Variants in GALNT13 observed in about 807,000 individuals in gnomAD.
The protein encoded by GALNT13 is polypeptide N-acetylgalactosaminyltransferase 13.
Under a neutral mutation model 64.2 loss-of-function variants are expected in GALNT13, and 28 were observed. That is an observed-to-expected ratio of 0.44 (90% confidence interval 0.32 to 0.60). GALNT13 has a LOEUF of 0.60. Ranked by LOEUF, GALNT13 falls within the 20% of genes least tolerant of loss-of-function variation. The probability of loss-of-function intolerance (pLI) is 0.05; values close to 1 mark genes in which losing one functional copy is unlikely to be tolerated. For synonymous variants in GALNT13, 214 were observed against 224.6 expected (o/e 0.95, Z 0.42); for missense variants, 577 against 669.8 (o/e 0.86, Z 1.53).
At chr2:153,376,530 C>T in the GALNT13 span, among the ~76,000 whole-genome samples, 3 of 152,046 alleles carry the variant, frequency 2.0e-5, no homozygotes, top group African/African-American at 7.2e-5. Context: ...GGGAGATGAA[C>T]TTTGTTATAT....
At chr2:153,145,244 A>G in the GALNT13 span, among the ~76,000 whole-genome samples, 5 of 151,948 alleles carry the variant, frequency 3.3e-5, no homozygotes, top group Non-Finnish European at 7.4e-5. Flanking sequence ...GCAATAGTTC[A>G]TATATTTGGT....
the GALNT13 span, among the ~76,000 whole-genome samples, chr2:153,505,323 G>A: frequency 4.4e-4 from 67 of 152,104 alleles, no homozygotes; most frequent in African/African-American, 1.5e-3. Flanking sequence ...CAAACAACCA[G>A]CTTTTTGTTA....
the GALNT13 span, among the ~76,000 whole-genome samples, chr2:153,675,313 T>C: frequency 6.6e-6 from 1 of 152,202 alleles, no homozygotes. Flanking sequence ...TCATCAATAA[T>C]AGACTGGATA....
the GALNT13 span, among the ~76,000 whole-genome samples, chr2:153,627,681 C>A: frequency 6.6e-6 from 1 of 152,060 alleles, no homozygotes; most frequent in African/African-American, 2.4e-5. Flanking sequence ...CAGACAAGGC[C>A]ATTGTGCAGC....
chr2:153,726,695 A>C, the GALNT13 span, among the ~76,000 whole-genome samples: 1 of 152,144 alleles, frequency 6.6e-6, no homozygotes, highest in Admixed American at 6.5e-5. Flanking sequence ...TAATCTCAGC[A>C]CTTTGGGAGG....
chr2:154,018,129 G>T (rs1396507535), intron 3 of GALNT13, among the ~76,000 whole-genome samples: 1 of 152,190 alleles, frequency 6.6e-6, no homozygotes, highest in African/African-American at 2.4e-5. Flanking sequence ...AGCAACTTGA[G>T]AACTGTCTTT....
the GALNT13 span, among the ~76,000 whole-genome samples, chr2:153,718,972 C>T: frequency 6.6e-6 from 1 of 152,172 alleles, no homozygotes; most frequent in Admixed American, 6.5e-5. Context: ...ATTTTACCCT[C>T]AAAGTCCAGA....
upstream of GALNT13, among the ~76,000 whole-genome samples, chr2:153,867,304 C>T (rs1037900926): frequency 6.6e-6 from 1 of 152,068 alleles, no homozygotes. Flanking sequence ...ATTACGGGCC[C>T]TAGCAACTTG....
intron 4 of GALNT13, among the ~76,000 whole-genome samples, chr2:154,158,718 A>G (rs1684566280): frequency 6.6e-6 from 1 of 152,156 alleles, no homozygotes; most frequent in Admixed American, 6.5e-5. Flanking sequence ...GAATATCCAC[A>G]TGGTTTTGCT....
At chr2:153,535,069 C>A in the GALNT13 span, among the ~76,000 whole-genome samples, 46 of 152,052 alleles carry the variant, frequency 3.0e-4, no homozygotes, top group African/African-American at 1.1e-3. Flanking sequence ...CTCAGGGCTG[C>A]TTCAGGCGGG....
the GALNT13 span, among the ~76,000 whole-genome samples, chr2:153,115,116 A>C: frequency 1.3e-5 from 2 of 152,208 alleles, no homozygotes; most frequent in Non-Finnish European, 2.9e-5. Context: ...GATAATCATG[A>C]CTGTCCAGGT....
At chr2:153,750,187 T>C in the GALNT13 span, among the ~76,000 whole-genome samples, 1 of 152,036 alleles carries the variant, frequency 6.6e-6, no homozygotes, top group South Asian at 2.1e-4. Flanking sequence ...CCCTTGTTCA[T>C]GATGAATGAT....
chr2:153,863,950 G>T, the GALNT13 span, among the ~76,000 whole-genome samples: 1 of 152,054 alleles, frequency 6.6e-6, no homozygotes, highest in Admixed American at 6.6e-5. Context: ...CTTCATATCT[G>T]CCTTTTGATT....
the GALNT13 span, among the ~76,000 whole-genome samples, chr2:153,742,067 T>TA: frequency 2.9e-3 from 443 of 152,094 alleles, 1 homozygote; most frequent in African/African-American, 0.01. Flanking sequence ...CAATGGATTT[T>TA]AAAAAAAATT....
chr2:153,627,472 G>T, the GALNT13 span, among the ~76,000 whole-genome samples: 1 of 152,030 alleles, frequency 6.6e-6, no homozygotes, highest in Non-Finnish European at 1.5e-5. Context: ...ATGTAGACTT[G>T]ACATGATTTA....
At chr2:153,944,998 C>T (rs913460023) in intron 3 of GALNT13, among the ~76,000 whole-genome samples, 3 of 152,066 alleles carry the variant, frequency 2.0e-5, no homozygotes, top group African/African-American at 4.8e-5. Context: ...TAACATAAAA[C>T]GGAAAAACCA....
chr2:153,983,787 T>A (rs1296712965), intron 3 of GALNT13, among the ~76,000 whole-genome samples: 1 of 151,968 alleles, frequency 6.6e-6, no homozygotes, highest in African/African-American at 2.4e-5. Context: ...GTCTAAATGG[T>A]ATGAACATAT....
the GALNT13 span, among the ~76,000 whole-genome samples, chr2:153,392,472 T>A: frequency 1.3e-5 from 2 of 152,244 alleles, no homozygotes; most frequent in African/African-American, 4.8e-5. Context: ...AGGATCTTTA[T>A]AATTTCTTAG....
At chr2:153,580,078 T>C in the GALNT13 span, among the ~76,000 whole-genome samples, 1 of 152,156 alleles carries the variant, frequency 6.6e-6, no homozygotes, top group South Asian at 2.1e-4. Flanking sequence ...AAAGTTTCCA[T>C]GAGAGTTTGC....
Sources: allele counts gnomAD v4.1 joint callset (sites outside exome capture counted in the v4.1 genomes callset), GRCh38; gene constraint gnomAD v4.1.1; transcripts MANE v1.5; gene names NCBI Gene and HGNC (gene_info 2026-07-23, HGNC 2026-07-21).